Variants in RASGRF2 observed in about 807,000 individuals in gnomAD.
The protein encoded by RASGRF2 is ras-specific guanine nucleotide-releasing factor 2.
RASGRF2 carries 76 observed loss-of-function variants against 151.0 expected under a neutral mutation model. The ratio of observed to expected loss-of-function variants is 0.50; its 90% CI spans 0.42 to 0.61. RASGRF2 has a LOEUF of 0.61. Ranked by LOEUF, RASGRF2 falls within the 20% of genes least tolerant of loss-of-function variation. The probability of loss-of-function intolerance (pLI) is 0.00; values close to 1 mark genes in which losing one functional copy is unlikely to be tolerated. For synonymous variants in RASGRF2, 504 were observed against 566.5 expected (o/e 0.89, Z 1.57); for missense variants, 1,148 against 1,564.6 (o/e 0.73, Z 4.49).
intron 2 of RASGRF2, among the ~76,000 whole-genome samples, chr5:81,053,047 A>G (rs752443332): frequency 7.9e-5 from 12 of 152,016 alleles, no homozygotes; most frequent in African/African-American, 2.2e-4. Flanking sequence ...AAATATTAAG[A>G]AAGTATGATA....
chr5:81,215,747 A>C, intron 23 of RASGRF2, 129 bp from the exon 24 acceptor site: 1 of 1,172,720 alleles, frequency 8.5e-7, no homozygotes, highest in Non-Finnish European at 1.1e-6. Flanking sequence ...CCTATCACAC[A>C]ATGACCTTTA....
intron 12 of RASGRF2, among the ~76,000 whole-genome samples, chr5:81,107,196 C>CAAAA (rs35987554): frequency 1.3e-4 from 12 of 94,280 alleles, no homozygotes; most frequent in African/African-American, 2.9e-4. Flanking sequence ...CCTGTCTCTA[C>CAAAA]AAAAAAAAAA....
intron 1 of RASGRF2, among the ~76,000 whole-genome samples, chr5:80,998,219 C>A (rs1234585784): frequency 1.3e-5 from 2 of 152,114 alleles, no homozygotes; most frequent in Non-Finnish European, 2.9e-5. Context: ...CCATTGGTTA[C>A]CATCTTCCCA....
At chr5:81,113,315 T>C in intron 14 of RASGRF2, 1 of 605,406 alleles carries the variant, frequency 1.7e-6, no homozygotes, top group East Asian at 2.9e-5. Context: ...TGCTGCTGTT[T>C]GGACCACAGT....
At chr5:81,079,620 C>G (rs1752030596) in intron 5 of RASGRF2, among the ~76,000 whole-genome samples, 1 of 152,090 alleles carries the variant, frequency 6.6e-6, no homozygotes, top group African/African-American at 2.4e-5. Context: ...AGGCTTCACT[C>G]TTTTCAGAAG....
At chr5:81,148,277 G>A (rs1754050916) in intron 17 of RASGRF2, among the ~76,000 whole-genome samples, 1 of 152,122 alleles carries the variant, frequency 6.6e-6, no homozygotes, top group Non-Finnish European at 1.5e-5. Flanking sequence ...GTATTTCACA[G>A]CCACATCTCT....
At chr5:80,988,053 AGTC>A (rs374631542) in intron 1 of RASGRF2, among the ~76,000 whole-genome samples, 10 of 105,922 alleles carry the variant, frequency 9.4e-5, no homozygotes, top group African/African-American at 3.3e-4. Flanking sequence ...GTGTGTGTGT[AGTC>A]TTCTTCTTCT....
At chr5:81,224,247 G>A (rs1305622932) in intron 26 of RASGRF2, among the ~76,000 whole-genome samples, 1 of 152,092 alleles carries the variant, frequency 6.6e-6, no homozygotes, top group African/African-American at 2.4e-5. Flanking sequence ...AATTAGAGTG[G>A]GACATCGTTT....
chr5:81,021,179 T>G (rs2112336890), intron 1 of RASGRF2, among the ~76,000 whole-genome samples: 1 of 152,288 alleles, frequency 6.6e-6, no homozygotes, highest in Admixed American at 6.5e-5. Context: ...AGATTTGCTA[T>G]TAGAGTTTGA....
rs112896712 is a variant in RASGRF2 at position 81,092,445 on chromosome 5, T to G, written c.1391-356T>G. On this transcript the variant is annotated intron_variant, in intron 9 of 26. Coordinates refer to ENST00000265080, the MANE Select transcript of RASGRF2 (RefSeq NM_006909.3). The stretch of plus-strand genomic sequence containing the variant: ...CATATTATTCTATATAATTATGCAA[T>G]ATGTATGTTATTATTAAATACATAA... Among the ~76,000 whole-genome samples the G allele has an allele frequency of 5.3e-5, 8 of 152,342 alleles. 2 individuals are homozygous for G. The highest frequency in any genetic ancestry group is 1.9e-4 in the African/African-American group (8 of 41,574).
intron 1 of RASGRF2, among the ~76,000 whole-genome samples, chr5:80,964,919 C>T (rs1426504084): frequency 6.6e-6 from 1 of 152,064 alleles, no homozygotes; most frequent in Non-Finnish European, 1.5e-5. Context: ...TCTGTCTTGC[C>T]TACTAGCAGG....
At chr5:80,972,174 A>G (rs1407222056) in intron 1 of RASGRF2, among the ~76,000 whole-genome samples, 2 of 152,210 alleles carry the variant, frequency 1.3e-5, no homozygotes, top group Admixed American at 1.3e-4. Flanking sequence ...GTGTACATAC[A>G]TGTGCATATT....
rs575916498 is a variant in RASGRF2, at chr5:81,157,846, C to T, written c.2687-22329C>T. ...AACCGCCCCTGTGATTCACTTATCT[C>T]CCACCAGGTCCCTCCCAATAGGGTT... On this transcript the variant is annotated intron_variant, in intron 17 of 26. Transcript: ENST00000265080. Among the ~76,000 whole-genome samples, 16 of 152,296 alleles carry T rather than the reference C, an allele frequency of 1.1e-4. No individual in the cohort carries two copies. In the South Asian group the frequency reaches 3.3e-3, roughly 32 times the overall value.
chr5:81,138,338 C>A (rs954107270), intron 17 of RASGRF2, among the ~76,000 whole-genome samples: 1 of 152,150 alleles, frequency 6.6e-6, no homozygotes, highest in Non-Finnish European at 1.5e-5. Context: ...GAATCCCTGA[C>A]CCCTGTAGAC....
intron 1 of RASGRF2, among the ~76,000 whole-genome samples, chr5:80,973,407 G>A (rs1229111030): frequency 1.3e-5 from 2 of 152,222 alleles, no homozygotes; most frequent in South Asian, 2.1e-4. Flanking sequence ...CTCTTCCTGC[G>A]CCTCCACGTA....
intron 2 of RASGRF2, among the ~76,000 whole-genome samples, chr5:81,056,070 A>G (rs1273179849): frequency 2.0e-5 from 3 of 152,194 alleles, no homozygotes; most frequent in East Asian, 3.9e-4. Flanking sequence ...GATCTTTTCA[A>G]AAAACCAGCT....
intron 23 of RASGRF2, among the ~76,000 whole-genome samples, chr5:81,213,956 GT>G (rs1755679658): frequency 6.6e-6 from 1 of 152,296 alleles, no homozygotes; most frequent in Non-Finnish European, 1.5e-5. Context: ...CTTACACCCA[GT>G]TTCCCCCAAC....
chr5:81,129,294 C>G (rs886968309), intron 17 of RASGRF2, among the ~76,000 whole-genome samples: 1 of 151,970 alleles, frequency 6.6e-6, no homozygotes, highest in African/African-American at 2.4e-5. Flanking sequence ...TTTGTGGTAA[C>G]AAAGGAATCC....
rs960544395 is a variant in RASGRF2, at chr5:81,044,089, G to A, written c.395+1106G>A. Among the ~76,000 whole-genome samples, 6 of 152,122 alleles carry A rather than the reference G, an allele frequency of 3.9e-5. No individual in the cohort carries two copies. The East Asian group carries it at 1.2e-3, about 29-fold the overall frequency. ...GAAGCGCATTGCTAATTATGTAGTA[G>A]GTGATCAGGAGATTTCTTCAGTTTG... On this transcript the variant is annotated intron_variant, in intron 2 of 26. Transcript: ENST00000265080.
Sources: allele counts gnomAD v4.1 joint callset (sites outside exome capture counted in the v4.1 genomes callset), GRCh38; gene constraint gnomAD v4.1.1; transcripts MANE v1.5; gene names NCBI Gene and HGNC (gene_info 2026-07-23, HGNC 2026-07-21).